The following MB21D2 variants were observed in gnomAD, a reference collection of about 807,000 sequenced individuals.
The protein encoded by MB21D2 is Mab-21 domain containing 2.
Under a neutral mutation model 33.3 loss-of-function variants are expected in MB21D2, and 9 were observed. That is an observed-to-expected ratio of 0.27 (90% CI 0.16 to 0.47). MB21D2 has a LOEUF of 0.47. MB21D2 is among the 20% of genes least tolerant of loss of function. The probability of loss-of-function intolerance (pLI) is 0.99; values close to 1 mark genes in which losing one functional copy is unlikely to be tolerated. For synonymous variants in MB21D2, 241 were observed against 236.3 expected, an observed-to-expected ratio of 1.02 and a Z score of -0.18; for missense variants, 540 against 624.6, an observed-to-expected ratio of 0.86 and a Z score of 1.44.
intron 1 of MB21D2, among the ~76,000 whole-genome samples, chr3:192,823,748 T>C (rs1712109144): frequency 1.3e-5 from 2 of 152,178 alleles, no homozygotes; most frequent in Admixed American, 1.3e-4. Context: ...CATATATTCA[T>C]GTGTGTAAAA....
intron 1 of MB21D2, among the ~76,000 whole-genome samples, chr3:192,823,011 T>G (rs927417401): frequency 2.6e-5 from 4 of 152,190 alleles, no homozygotes; most frequent in Admixed American, 6.5e-5. Flanking sequence ...TCAATCTCCA[T>G]AGTTTCTACT....
chr3:192,823,143 G>C (rs189603323), intron 1 of MB21D2, among the ~76,000 whole-genome samples: 4 of 152,208 alleles, frequency 2.6e-5, no homozygotes, highest in Admixed American at 6.5e-5. Flanking sequence ...TCACACCAAA[G>C]ATCCTATGTT....
At chr3:192,815,009 G>A (rs1030085425) in intron 1 of MB21D2, among the ~76,000 whole-genome samples, 4 of 151,932 alleles carry the variant, frequency 2.6e-5, no homozygotes, top group Admixed American at 6.5e-5. Context: ...TGAACAGTGT[G>A]GCATTCAAAC....
At chr3:192,826,322 A>C (rs1397693471) in intron 1 of MB21D2, among the ~76,000 whole-genome samples, 1 of 152,216 alleles carries the variant, frequency 6.6e-6, no homozygotes, top group Non-Finnish European at 1.5e-5. Context: ...TGGCCACTTA[A>C]TACTGGATGA....
At chr3:192,902,342 G>C (rs1034601678) in intron 1 of MB21D2, among the ~76,000 whole-genome samples, 2 of 152,192 alleles carry the variant, frequency 1.3e-5, no homozygotes, top group African/African-American at 4.8e-5. Flanking sequence ...AAAGAGGGAA[G>C]GAGCCAGACT....
At chr3:192,913,166 CAGG>C (rs1177151895) in intron 1 of MB21D2, among the ~76,000 whole-genome samples, 1 of 152,156 alleles carries the variant, frequency 6.6e-6, no homozygotes, top group Non-Finnish European at 1.5e-5. Flanking sequence ...GAGGTCAAAG[CAGG>C]AGGATTGCTT....
intron 1 of MB21D2, among the ~76,000 whole-genome samples, chr3:192,901,766 A>G (rs1193529460): frequency 6.6e-6 from 1 of 152,220 alleles, no homozygotes; most frequent in African/African-American, 2.4e-5. Context: ...TTGTGACCTC[A>G]AAGTCAACTT....
chr3:192,808,007 C>T (rs1711703398), intron 1 of MB21D2, among the ~76,000 whole-genome samples: 3 of 151,948 alleles, frequency 2.0e-5, no homozygotes, highest in Admixed American at 2.0e-4. Flanking sequence ...TAACTTAGGA[C>T]CCAGATGGGT....
In MB21D2 at chr3:192,799,342, C is replaced by T. The variant is rs373866312; in HGVS notation, c.520G>A (p.Ala174Thr). ...GTAGGTGAGAAGAAGTAGTTGGTGG[C>T]ACCATTGATGTGATCTACAATGGTG... is the stretch of plus-strand genomic sequence containing the variant. Reference protein sequence around the residue: ...CCTIVDHINGATNYFFSPTKV... With the variant: ...CCTIVDHINGTTNYFFSPTKV... The change falls in exon 2 of 2, where the codon GCC becomes ACC. Residue 174 changes from alanine to threonine, a missense_variant. Physicochemically the swap from Ala to Thr is moderately conservative, Grantham distance 58. Transcript: ENST00000392452. This position sits in a 1 kb window ranked among gnomAD's most constrained non-coding sequence, Gnocchi z 4.1. 6.2e-7 allele frequency: 1 copy of T among 1,614,114 alleles called. No individual in the cohort carries two copies.
Position 192,798,399 on chromosome 3 carries a change from T to C in MB21D2, c.1463A>G (p.Asp488Gly), listed in dbSNP as rs1001118078. The C allele has an allele frequency of 1.9e-6, 3 of 1,613,070 alleles. No homozygotes were observed. Among genetic ancestry groups the C allele is most frequent in the Non-Finnish European group, 2.5e-6 (3 of 1,179,126 alleles). The change falls in exon 2 of 2, where the codon GAC becomes GGC. Residue 488 changes from aspartate to glycine, a missense_variant. Asp to Gly is a moderately conservative substitution (Grantham distance 94). Transcript: ENST00000392452. This position sits in a 1 kb window ranked among gnomAD's most constrained non-coding sequence, Gnocchi z 4.8. Reference protein sequence around the residue: ...DVTRPHFRIDDKFF With the variant: ...DVTRPHFRIDGKFF The stretch of plus-strand genomic sequence containing the variant: ...GTCAGCTAACACTCAGAAAAATTTG[T>C]CATCAATTCTGAAATGGGGCCTTGT...
chr3:192,873,263 T>C (rs768437019), intron 1 of MB21D2, among the ~76,000 whole-genome samples: 15 of 152,200 alleles, frequency 9.9e-5, no homozygotes, highest in Non-Finnish European at 1.8e-4. Flanking sequence ...TACCCAAGTG[T>C]GTCACTTCCT....
intron 1 of MB21D2, among the ~76,000 whole-genome samples, chr3:192,857,305 C>T (rs1454261244): frequency 6.6e-6 from 1 of 152,166 alleles, no homozygotes; most frequent in Non-Finnish European, 1.5e-5. Flanking sequence ...AAGAACAAAG[C>T]ATTTTTATCT....
chr3:192,850,586 C>T (rs1464122627), intron 1 of MB21D2, among the ~76,000 whole-genome samples: 1 of 152,188 alleles, frequency 6.6e-6, no homozygotes, highest in Non-Finnish European at 1.5e-5. Context: ...ACAGGCCAGG[C>T]CCCACCCAGA....
At chr3:192,872,969 C>G (rs1459957098) in intron 1 of MB21D2, among the ~76,000 whole-genome samples, 2 of 151,164 alleles carry the variant, frequency 1.3e-5, no homozygotes, top group Non-Finnish European at 2.9e-5. Flanking sequence ...TAGTGATACT[C>G]AGCAAAACAC....
Position 192,900,507 on chromosome 3 carries a change from T to C in MB21D2, c.211+17123A>G, listed in dbSNP as rs139122947. On this transcript the variant is annotated intron_variant, in intron 1 of 1. Coordinates refer to ENST00000392452, the MANE Select transcript of MB21D2 (RefSeq NM_178496.4). Reference sequence around the variant, plus strand: ...AGAAGAATGCCAAGTCACAGCACCATGTTCTGGTTTGGCTGGTTTTTTCGT... The same window carrying C: ...AGAAGAATGCCAAGTCACAGCACCACGTTCTGGTTTGGCTGGTTTTTTCGT... Among the ~76,000 whole-genome samples, 10 of 152,128 alleles carry C rather than the reference T, an allele frequency of 6.6e-5. No individual in the cohort carries two copies. The East Asian group carries it at 1.9e-3, about 29-fold the overall frequency.
chr3:192,876,522 A>C (rs1207813264), intron 1 of MB21D2, among the ~76,000 whole-genome samples: 1 of 152,132 alleles, frequency 6.6e-6, no homozygotes, highest in Non-Finnish European at 1.5e-5. Context: ...ACCGCTTCTC[A>C]ACCTTGTAGC....
chr3:192,899,257 G>A (rs958442880), intron 1 of MB21D2, among the ~76,000 whole-genome samples: 6 of 152,250 alleles, frequency 3.9e-5, no homozygotes, highest in South Asian at 2.1e-4. Context: ...AGCCAGGCGC[G>A]GTGGCTCATG....
At chr3:192,805,162 T>C (rs1467675934) in intron 1 of MB21D2, among the ~76,000 whole-genome samples, 1 of 152,132 alleles carries the variant, frequency 6.6e-6, no homozygotes, top group Non-Finnish European at 1.5e-5. Context: ...GTAGCAGAGG[T>C]CTCAGGGCAA....
rs561650417 is a variant in MB21D2 at position 192,894,705 on chromosome 3, G to A, written c.211+22925C>T. 4.6e-5 allele frequency among the ~76,000 whole-genome samples: 7 copies of A among 151,972 alleles called. No homozygotes were observed. In the East Asian group the frequency reaches 9.7e-4, roughly 21 times the overall value. On this transcript the variant is annotated intron_variant, in intron 1 of 1. Coordinates refer to ENST00000392452, the MANE Select transcript of MB21D2 (RefSeq NM_178496.4). ...TTGCTCAAACTAGAGATGAATCTCC[G>A]TCCCTCCACCTTCCACCATTCTTTA...
Sources: allele counts gnomAD v4.1 joint callset (sites outside exome capture counted in the v4.1 genomes callset), GRCh38; gene constraint gnomAD v4.1.1; non-coding constraint Gnocchi (gnomAD v3.1); transcripts MANE v1.5; gene names NCBI Gene and HGNC (gene_info 2026-07-23, HGNC 2026-07-21).